SCAMP5: variants seen among roughly 807,000 people sequenced by gnomAD.
SCAMP5 encodes the protein secretory carrier-associated membrane protein 5.
A neutral mutation model predicts 28.3 loss-of-function variants in SCAMP5; 7 were observed. The ratio of observed to expected loss-of-function variants is 0.25; its 90% CI spans 0.14 to 0.46. The LOEUF (loss-of-function observed/expected upper bound fraction) is 0.46, where lower values mean the gene tolerates loss of function less well. SCAMP5 is among the 20% of genes least tolerant of loss of function. SCAMP5 has a pLI of 0.99. For missense variants in SCAMP5, 192 were observed against 312.5 expected (o/e 0.61, Z 2.91); for synonymous variants, 117 against 116.4 (o/e 1.00, Z -0.03).
chr15:74,999,526 G>A lies in SCAMP5; in HGVS notation c.-49+3853G>A, dbSNP rs113588245. On this transcript the variant is annotated intron_variant, in intron 1 of 6. Transcript: ENST00000425597. Reference sequence around the variant, plus strand: ...AACCACCCCCATGTTTTCCCGAGGCGGAGCTTGCAGTGAGCCGAGATCGCA... The same window carrying A: ...AACCACCCCCATGTTTTCCCGAGGCAGAGCTTGCAGTGAGCCGAGATCGCA... 6.8e-3 allele frequency among the ~76,000 whole-genome samples: 1,036 copies of A among 152,224 alleles called. 10 individuals are homozygous for A. Among genetic ancestry groups the A allele is most frequent in the African/African-American group, 0.024 (981 of 41,524 alleles).
chr15:75,013,707 A>G (rs1051533496), intron 3 of SCAMP5, among the ~76,000 whole-genome samples: 1 of 152,156 alleles, frequency 6.6e-6, no homozygotes, highest in Non-Finnish European at 1.5e-5. Context: ...ACATGCCTGT[A>G]GTCCTAGCTA....
chr15:74,998,676 C>T (rs1388957799), intron 1 of SCAMP5, among the ~76,000 whole-genome samples: 1 of 151,746 alleles, frequency 6.6e-6, no homozygotes, highest in Non-Finnish European at 1.5e-5. Flanking sequence ...AACCCCCCAC[C>T]CCCCATTTCA....
At chr15:75,003,506 A>T (rs957074131) in intron 1 of SCAMP5, among the ~76,000 whole-genome samples, 1 of 152,210 alleles carries the variant, frequency 6.6e-6, no homozygotes. Flanking sequence ...GCTACAAAAA[A>T]GTTTAAAGAA....
At chr15:75,004,758 G>T (rs1255810391) in intron 1 of SCAMP5, among the ~76,000 whole-genome samples, 4 of 151,488 alleles carry the variant, frequency 2.6e-5, no homozygotes, top group Non-Finnish European at 5.9e-5. Context: ...AAGAGAGAAA[G>T]AAACAAAAAC....
chr15:75,016,742 G>A lies in SCAMP5; in HGVS notation c.286G>A (p.Ala96Thr), dbSNP rs1318815790. ...CTGCTGGTTTCGGCCCATTTACAAGGCCTTCAAGTAAGTGGTTGGTGCTAT... is the reference window on the plus strand; with the variant it reads ...CTGCTGGTTTCGGCCCATTTACAAGACCTTCAAGTAAGTGGTTGGTGCTAT... ...YVCWFRPIYK[A>T]FKTDSSFSFM... Residue 96 changes from alanine to threonine, a missense_variant, in exon 4 of 7, where the codon GCC becomes ACC. By Grantham distance (58) the Ala-to-Thr change is moderately conservative. Coordinates refer to ENST00000425597, the MANE Select transcript of SCAMP5 (RefSeq NM_138967.4). 3.1e-6 allele frequency: 5 copies of A among 1,613,206 alleles called. No homozygotes were observed. The highest frequency in any genetic ancestry group is 4.2e-6 in the Non-Finnish European group (5 of 1,179,620).
rs2065879394 is a variant in SCAMP5, at chr15:75,018,587, C to T, written c.513+52C>T. 3 of 1,299,930 alleles carry T rather than the reference C, an allele frequency of 2.3e-6. No individual in the cohort carries two copies. Among genetic ancestry groups the T allele is most frequent in the Non-Finnish European group, 3.4e-6 (3 of 893,740 alleles). The allele number at this position is 1,299,930 out of a possible 1,614,324, so 80.5% of individuals were successfully genotyped here. ...GGTGGCTTTGGGAAGGGGCCATGTT[C>T]TGAAACAAGCCCTCCTCCAAGTTGC... On this transcript the variant is annotated intron_variant, in intron 6 of 6. Transcript: ENST00000425597. This position sits in a 1 kb window ranked among gnomAD's most constrained non-coding sequence, Gnocchi z 5.6.
chr15:75,012,376 G>A (rs1327623338), intron 2 of SCAMP5, among the ~76,000 whole-genome samples: 1 of 152,212 alleles, frequency 6.6e-6, no homozygotes, highest in Admixed American at 6.5e-5. Context: ...GCCTGGAGCT[G>A]CCCCCACTGA....
intron 3 of SCAMP5, among the ~76,000 whole-genome samples, chr15:75,013,961 T>TG (rs1221200804): frequency 6.7e-6 from 1 of 150,232 alleles, no homozygotes; most frequent in African/African-American, 2.5e-5. Flanking sequence ...GGTGTCTTCT[T>TG]GGGGGGATGG....
At position 75,020,933 on chromosome 15, in the gene SCAMP5, G is replaced by C. The variant is rs1244926483; in HGVS notation, c.*1950G>C. ...CTTGGGAGCAATGGTCACAGTCCCT[G>C]GTACCTGAAAAGGTACCTAGGTCTA... On this transcript the variant is annotated 3_prime_UTR_variant, in exon 7 of 7. Transcript: ENST00000425597. The C allele has an allele frequency of 1.3e-5, 2 of 152,122 alleles. No individual in the cohort carries two copies. The highest frequency in any genetic ancestry group is 4.8e-5 in the African/African-American group (2 of 41,388). 9.4% of individuals were successfully genotyped at this position (152,122 alleles called of 1,614,324 possible).
rs998327670 is a variant in SCAMP5 at position 75,019,938 on chromosome 15, T to TTGAGCCCCTCTGCC, written c.*957_*970dup. 1.3e-5 allele frequency: 2 copies of TTGAGCCCCTCTGCC among 152,854 alleles called. No homozygotes were observed. Among genetic ancestry groups the TTGAGCCCCTCTGCC allele is most frequent in the African/African-American group, 4.8e-5 (2 of 41,446 alleles). The allele number at this position is 152,854 out of a possible 1,614,324, so 9.5% of individuals were successfully genotyped here. ...TCCTCCTTCTCTCCCCAGAGCCCCC[T>TTGAGCCCCTCTGCC]TGAGCCCCTCTGCCTATGTCCCTCT... On this transcript the variant is annotated 3_prime_UTR_variant, in exon 7 of 7. Transcript: ENST00000425597.
At chr15:75,016,561 C>T (rs780887190) in intron 3 of SCAMP5, 32 bp from the exon 4 acceptor site, 48 of 1,599,618 alleles carry the variant, frequency 3.0e-5, no homozygotes, top group Non-Finnish European at 3.6e-5. Flanking sequence ...GGGTGTCTGT[C>T]TCTATGTGTG....
At chr15:75,013,794 C>T (rs2065835233) in intron 3 of SCAMP5, among the ~76,000 whole-genome samples, 1 of 152,162 alleles carries the variant, frequency 6.6e-6, no homozygotes, top group Non-Finnish European at 1.5e-5. Context: ...TGCTACTGCA[C>T]TCCACCCTGG....
At chr15:75,014,954 G>A (rs1346965680) in intron 3 of SCAMP5, among the ~76,000 whole-genome samples, 1 of 152,192 alleles carries the variant, frequency 6.6e-6, no homozygotes. Context: ...AAATACAGCT[G>A]AAATGTACAG....
Position 75,018,955 on chromosome 15 carries a change from C to T in SCAMP5, c.680C>T (p.Pro227Leu). 6.5e-7 allele frequency: 1 copy of T among 1,534,332 alleles called. No homozygotes were observed. The highest frequency in any genetic ancestry group is 8.7e-7 in the Non-Finnish European group (1 of 1,149,238). ...NQPQTQYSAT[P>L]NYTYSNEM ...CCTCAGACTCAGTATTCCGCCACCC[C>T]CAATTACACGTACTCCAATGAGATG... The change falls in exon 7 of 7, where the codon CCC becomes CTC. Residue 227 changes from proline to leucine, a missense_variant. Physicochemically the swap from Pro to Leu is moderately conservative, Grantham distance 98 (BLOSUM62 -3). Transcript: ENST00000425597. The surrounding 1 kb of genome is among the most constrained non-coding windows in gnomAD (Gnocchi z 5.6).
At chr15:74,997,475 AT>A (rs1468855136) in intron 1 of SCAMP5, among the ~76,000 whole-genome samples, 1 of 152,038 alleles carries the variant, frequency 6.6e-6, no homozygotes, top group African/African-American at 2.4e-5. Flanking sequence ...GAGTGAGGAG[AT>A]TATGGGAGAA....
chr15:75,018,848 C>A lies in SCAMP5; in HGVS notation c.573C>A (p.Thr191=). Residue 191 remains threonine, a synonymous_variant, in exon 7 of 7, where the codon ACC becomes ACA. Transcript: ENST00000425597. The surrounding 1 kb of genome is among the most constrained non-coding windows in gnomAD (Gnocchi z 5.6). The part of the protein sequence containing the change: ...GSFSKAQEEW[T]TGAWKNPHVQ... ...TCAGCAAAGCTCAGGAGGAGTGGACCACAGGGGCCTGGAAGAATCCACATG... is the reference window on the plus strand; with the variant it reads ...TCAGCAAAGCTCAGGAGGAGTGGACAACAGGGGCCTGGAAGAATCCACATG... 6.3e-7 allele frequency: 1 copy of A among 1,599,540 alleles called. No individual in the cohort carries two copies. The highest frequency in any genetic ancestry group is 8.5e-7 in the Non-Finnish European group (1 of 1,176,282).
chr15:75,011,123 T>A (rs2065807413), intron 1 of SCAMP5, among the ~76,000 whole-genome samples: 1 of 152,086 alleles, frequency 6.6e-6, no homozygotes. Context: ...GAGGATCACC[T>A]GAGCCTGGGG....
Position 75,018,996 on chromosome 15 carries a change from T to A in SCAMP5, c.*13T>A, listed in dbSNP as rs552054974. The A allele has an allele frequency of 6.7e-7, 1 of 1,484,256 alleles. No homozygotes were observed. The highest frequency in any genetic ancestry group is 1.4e-5 in the African/African-American group (1 of 69,848). 91.9% of individuals were successfully genotyped at this position (1,484,256 alleles called of 1,614,324 possible). A position where few individuals can be genotyped will look rare whatever the true frequency, so the allele number is the denominator to read the frequency against. On this transcript the variant is annotated 3_prime_UTR_variant, in exon 7 of 7. Transcript: ENST00000425597. The surrounding 1 kb of genome is among the most constrained non-coding windows in gnomAD (Gnocchi z 5.6). ...CAATGAGATGTGAACCAGCCACGCC[T>A]ACCAGGTGGCAGAGCTGGGGCCATT...
intron 1 of SCAMP5, among the ~76,000 whole-genome samples, chr15:75,007,037 T>C (rs1465921311): frequency 6.6e-6 from 1 of 152,242 alleles, no homozygotes; most frequent in East Asian, 1.9e-4. Flanking sequence ...AGACTGGTTC[T>C]TGTGTCCTTT....
Sources: gnomAD v4.1 joint callset for allele counts (sites outside exome capture counted in the v4.1 genomes callset) on GRCh38, gnomAD v4.1.1 for gene constraint, Gnocchi (gnomAD v3.1) non-coding constraint, MANE v1.5 for transcripts, NCBI Gene and HGNC (gene_info 2026-07-23, HGNC 2026-07-21) for gene names.